The following FBRS variants were observed in gnomAD, a reference collection of about 807,000 sequenced individuals.
FBRS encodes fibrosin, also known as probable fibrosin-1.
A neutral mutation model predicts 86.1 loss-of-function variants in FBRS; 15 were observed. That is an observed-to-expected ratio of 0.17 (90% confidence interval 0.12 to 0.27). FBRS has a LOEUF of 0.27. Ranked by LOEUF, FBRS falls within the 10% of genes least tolerant of loss-of-function variation. The probability of loss-of-function intolerance (pLI) is 1.00; values close to 1 mark genes in which losing one functional copy is unlikely to be tolerated. For missense variants in FBRS, 1,367 were observed against 1,301.6 expected (o/e 1.05, Z -0.77); for synonymous variants, 666 against 575.8 (o/e 1.16, Z -2.24).
At chr16:30,668,464 G>T (rs1434815485) in intron 15 of FBRS, 96 bp from the exon 16 acceptor site, 2 of 1,064,902 alleles carry the variant, frequency 1.9e-6, no homozygotes, top group Non-Finnish European at 2.8e-6. Context: ...GGCAGCTGAG[G>T]ACTCCAGGCA....
intron 4 of FBRS, 163 bp from the exon 5 acceptor site, chr16:30,662,257 C>A: frequency 9.1e-7 from 1 of 1,097,754 alleles, no homozygotes; most frequent in Non-Finnish European, 1.3e-6. Context: ...TTTCTCCAAG[C>A]TCAGCCCCCT....
In FBRS at chr16:30,664,630, C is replaced by T. The variant is rs941177489; in HGVS notation, c.1358-85C>T. ...AGCAGGGCTTGAGGAGGGAGTGGCT[C>T]GAGGCCAGAGGGAAGGCAGTCACCT... is the stretch of plus-strand genomic sequence containing the variant. On this transcript the variant is annotated intron_variant, in intron 7 of 17. Transcript: ENST00000356166. 1.4e-5 allele frequency: 20 copies of T among 1,442,600 alleles called. No homozygotes were observed. The African/African-American group carries it at 2.2e-4, about 16-fold the overall frequency. 89.4% of individuals were successfully genotyped at this position (1,442,600 alleles called of 1,614,324 possible).
At chr16:30,666,585 G>GTGT in intron 12 of FBRS, 44 bp downstream of exon 12, 1 of 1,613,892 alleles carries the variant, frequency 6.2e-7, no homozygotes, top group Non-Finnish European at 8.5e-7. Context: ...CTGGGGGCTG[G>GTGT]TGTTAGCATG....
chr16:30,659,532 C>G lies in FBRS; in HGVS notation c.14C>G (p.Ala5Gly). 3.4e-6 allele frequency: 1 copy of G among 295,502 alleles called. No homozygotes were observed. The highest frequency in any genetic ancestry group is 6.2e-6 in the Non-Finnish European group (1 of 160,088). 18.3% of individuals were successfully genotyped at this position (295,502 alleles called of 1,614,324 possible). A position where few individuals can be genotyped will look rare whatever the true frequency, so the allele number is the denominator to read the frequency against. ...AGGGCGGTCGCCATGGAGACGGCAGCGGCCGCGGCCCCGGGTCCGGGCTGG... is the reference window on the plus strand; with the variant it reads ...AGGGCGGTCGCCATGGAGACGGCAGGGGCCGCGGCCCCGGGTCCGGGCTGG... Reference protein sequence around the residue: METAAAAAPGPGWAA... With the variant: METAGAAAPGPGWAA... Residue 5 changes from alanine to glycine, a missense_variant, in exon 1 of 18, where the codon GCG becomes GGG. Coordinates refer to ENST00000356166, the MANE Select transcript of FBRS (RefSeq NM_001105079.3).
intron 11 of FBRS, 110 bp from the exon 12 acceptor site, chr16:30,666,402 G>A: frequency 1.5e-6 from 2 of 1,356,574 alleles, no homozygotes; most frequent in South Asian, 1.2e-5. Context: ...GTTTGAGGGA[G>A]TCCCAGTGTC....
In FBRS at chr16:30,664,398, G is replaced by GGCGC; in HGVS notation, c.1239_1240insGCGC (p.Pro414AlafsTer37). ...ACAGCTTTCCCCCTCCCGGGCTGCG[G>GGCGC]CCCCCCCCACCACCCCACCACCCCT... On this transcript the variant is annotated frameshift_variant, in exon 7 of 18. Transcript: ENST00000356166. LOFTEE classifies it high-confidence loss of function. 2.9e-6 allele frequency: 4 copies of GGCGC among 1,376,492 alleles called. No homozygotes were observed. The highest frequency in any genetic ancestry group is 3.9e-6 in the Non-Finnish European group (4 of 1,026,064). The allele number at this position is 1,376,492 out of a possible 1,614,324, so 85.3% of individuals were successfully genotyped here. A position where few individuals can be genotyped will look rare whatever the true frequency, so the allele number is the denominator to read the frequency against.
At position 30,669,902 on chromosome 16, in the gene FBRS, G is replaced by C; in HGVS notation, c.*257G>C. 2 of 594,236 alleles carry C rather than the reference G, an allele frequency of 3.4e-6. No individual in the cohort carries two copies. The highest frequency in any genetic ancestry group is 5.9e-6 in the Non-Finnish European group (2 of 337,846). The allele number at this position is 594,236 out of a possible 1,614,324, so 36.8% of individuals were successfully genotyped here. On this transcript the variant is annotated 3_prime_UTR_variant, in exon 18 of 18. Transcript: ENST00000356166. This position sits in a 1 kb window ranked among gnomAD's most constrained non-coding sequence, Gnocchi z 5.9. ...TGTGCATGGGAGTGTGGCTCATCTC[G>C]GGGGCCATGGGGCCTCCTGAGGTAC... is the stretch of plus-strand genomic sequence containing the variant.
In FBRS at chr16:30,669,398, A is replaced by T; in HGVS notation, c.2696A>T (p.Glu899Val). The change falls in exon 18 of 18, where the codon GAG (glutamate) becomes GTG (valine). Residue 899 changes from glutamate to valine, a missense_variant. This residue lies in a region of FBRS where 659 missense variants were observed against 678.8 expected (regional missense o/e 0.97). Transcript: ENST00000356166. The surrounding 1 kb of genome is among the most constrained non-coding windows in gnomAD (Gnocchi z 5.9). ...CTGGCAAGGCCACCCCGCTTCTATG[A>T]GGCGGGTGAGGAGCTAACTGGACCC... ...PRLARPPRFY[E>V]AGEELTGPGA... 1.9e-6 allele frequency: 3 copies of T among 1,612,674 alleles called. No individual in the cohort carries two copies. The highest frequency in any genetic ancestry group is 2.5e-6 in the Non-Finnish European group (3 of 1,179,740).
Position 30,664,403 on chromosome 16 carries a change from C to T in FBRS, c.1244C>T (p.Pro415Leu). The T allele has an allele frequency of 7.4e-7, 1 of 1,360,062 alleles. No homozygotes were observed. The highest frequency in any genetic ancestry group is 9.9e-7 in the Non-Finnish European group (1 of 1,010,454). The allele number at this position is 1,360,062 out of a possible 1,614,324, so 84.2% of individuals were successfully genotyped here. A position where few individuals can be genotyped will look rare whatever the true frequency, so the allele number is the denominator to read the frequency against. Reference protein sequence around the residue: ...HSFPPPGLRPPPPPHHPSLFS... With the variant: ...HSFPPPGLRPLPPPHHPSLFS... ...TTTCCCCCTCCCGGGCTGCGGCCCC[C>T]CCCACCACCCCACCACCCCTCCTTG... is the stretch of plus-strand genomic sequence containing the variant. The change falls in exon 7 of 18, where the codon CCC (proline) becomes CTC (leucine). Residue 415 changes from proline (P) to leucine (L), a missense_variant. Physicochemically the swap from Pro to Leu is moderately conservative, Grantham distance 98. Transcript: ENST00000356166.
At chr16:30,660,689 T>C (rs2151265983) in intron 2 of FBRS, 1 of 573,216 alleles carries the variant, frequency 1.7e-6, no homozygotes, top group Non-Finnish European at 2.7e-6. Flanking sequence ...GTCAAAGGAA[T>C]ATAGTTGGGT....
chr16:30,668,993 C>T lies in FBRS; in HGVS notation c.2366+14C>T, dbSNP rs2052557579. The T allele has an allele frequency of 2.6e-6, 4 of 1,546,256 alleles. No homozygotes were observed. The highest frequency in any genetic ancestry group is 3.5e-6 in the Non-Finnish European group (4 of 1,145,028). On this transcript the variant is annotated intron_variant, in intron 17 of 17. Coordinates refer to ENST00000356166, the MANE Select transcript of FBRS (RefSeq NM_001105079.3). ...GGAGAAGGACAGGTGTGCCTCCCAC[C>T]CACCCTGCCCCTGCCCCACCCTCAG...
Position 30,668,840 on chromosome 16 carries a change from C to T in FBRS, c.2227C>T (p.Pro743Ser). 6.3e-7 allele frequency: 1 copy of T among 1,595,600 alleles called. No homozygotes were observed. Among genetic ancestry groups the T allele is most frequent in the East Asian group, 2.3e-5 (1 of 44,358 alleles). ...APPAFASPPD[P>S]WGRLHRSPLT... ...ACCAGCCTTCGCCTCCCCACCGGAC[C>T]CATGGGGCCGCCTGCACCGCAGTCC... The change falls in exon 17 of 18, where the codon CCA becomes TCA. Residue 743 changes from proline to serine, a missense_variant. Around this residue, in one of 3 missense-constraint regions of FBRS, gnomAD observed 659 missense variants for 678.8 expected, o/e 0.97. Transcript: ENST00000356166.
chr16:30,659,787 C>A lies in FBRS; in HGVS notation c.269C>A (p.Pro90His). ...RRRRPRPRPR[P>H]PRPRARKRPA... ...CGGCGGCCCCGTCCGAGACCTCGACCCCCGCGACCCCGAGCTCGGAAGCGG... is the reference window on the plus strand; with the variant it reads ...CGGCGGCCCCGTCCGAGACCTCGACACCCGCGACCCCGAGCTCGGAAGCGG... The change falls in exon 1 of 18, where the codon CCC becomes CAC. Residue 90 changes from proline to histidine, a missense_variant. Coordinates refer to ENST00000356166, the MANE Select transcript of FBRS (RefSeq NM_001105079.3). 6.7e-7 allele frequency: 1 copy of A among 1,491,676 alleles called. No individual in the cohort carries two copies. The highest frequency in any genetic ancestry group is 1.3e-5 in the South Asian group (1 of 79,698). The allele number at this position is 1,491,676 out of a possible 1,614,324, so 92.4% of individuals were successfully genotyped here. A position where few individuals can be genotyped will look rare whatever the true frequency, so the allele number is the denominator to read the frequency against.
chr16:30,662,173 T>C, intron 4 of FBRS: 1 of 551,944 alleles, frequency 1.8e-6, no homozygotes, highest in Non-Finnish European at 3.1e-6. Flanking sequence ...CCTGCTTCTC[T>C]GCTGCTTCAA....
rs563822289 is a variant in FBRS at position 30,669,957 on chromosome 16, C to T, written c.*312C>T. 71 of 534,194 alleles carry T rather than the reference C, an allele frequency of 1.3e-4. No homozygotes were observed. The East Asian group carries it at 2.2e-3, about 17-fold the overall frequency. The allele number at this position is 534,194 out of a possible 1,614,324, so 33.1% of individuals were successfully genotyped here. On this transcript the variant is annotated 3_prime_UTR_variant, in exon 18 of 18. Coordinates refer to ENST00000356166, the MANE Select transcript of FBRS (RefSeq NM_001105079.3). This position sits in a 1 kb window ranked among gnomAD's most constrained non-coding sequence, Gnocchi z 5.9. ...TTGCCCCTGTAAGGGCCTCTAGGCC[C>T]TGGGCCTGCCTCCCCAAGGGCTCAC... is the stretch of plus-strand genomic sequence containing the variant.
Position 30,665,763 on chromosome 16 carries a change from G to C in FBRS, c.1773+57G>C. On this transcript the variant is annotated intron_variant, in intron 11 of 17. Transcript: ENST00000356166. This position sits in a 1 kb window ranked among gnomAD's most constrained non-coding sequence, Gnocchi z 4.1. ...TGGAAGGTGTGTTGCGGGGAGAACAGAACTGACTTGAGGAGAGTGAACTGC... is the reference window on the plus strand; with the variant it reads ...TGGAAGGTGTGTTGCGGGGAGAACACAACTGACTTGAGGAGAGTGAACTGC... 1.3e-6 allele frequency: 2 copies of C among 1,509,460 alleles called. No individual in the cohort carries two copies. Among genetic ancestry groups the C allele is most frequent in the South Asian group, 2.4e-5 (2 of 83,108 alleles). 93.5% of individuals were successfully genotyped at this position (1,509,460 alleles called of 1,614,324 possible).
chr16:30,667,373 G>A lies in FBRS; in HGVS notation c.1929G>A (p.Gly643=), dbSNP rs374614845. 2.0e-4 allele frequency: 316 copies of A among 1,553,146 alleles called. 2 individuals are homozygous for A. Among genetic ancestry groups the A allele is most frequent in the Middle Eastern group, 8.3e-4 (5 of 5,994 alleles). ...ATGACCTCCTGCCCTGCCTTCCGGG[G>A]CCCTATGGGGCCCTGCCCCCTGGGC... ...FRNDLLPCLP[G]PYGALPPGQE... is the part of the protein sequence containing the mutation. Residue 643 remains glycine (G), a synonymous_variant, in exon 14 of 18, where the codon GGG becomes GGA. Coordinates refer to ENST00000356166, the MANE Select transcript of FBRS (RefSeq NM_001105079.3).
In FBRS at chr16:30,670,572, A is replaced by T. The variant is rs922529394; in HGVS notation, c.*927A>T. ...CTAAGGGTGGCCAGAGAAGGTCACC[A>T]TGTACCACACACCAAAGAAGGGGGT... On this transcript the variant is annotated 3_prime_UTR_variant, in exon 18 of 18. Transcript: ENST00000356166. 1 of 216,820 alleles carries T rather than the reference A, an allele frequency of 4.6e-6. No homozygotes were observed. Among genetic ancestry groups the T allele is most frequent in the South Asian group, 5.9e-5 (1 of 16,904 alleles). The allele number at this position is 216,820 out of a possible 1,614,324, so 13.4% of individuals were successfully genotyped here. A position where few individuals can be genotyped will look rare whatever the true frequency, so the allele number is the denominator to read the frequency against.
In FBRS at chr16:30,668,710, G is replaced by A. The variant is rs2052552252; in HGVS notation, c.2159-62G>A. 8.2e-6 allele frequency: 13 copies of A among 1,585,314 alleles called. No homozygotes were observed. The South Asian group carries it at 1.3e-4, about 16-fold the overall frequency. On this transcript the variant is annotated intron_variant, in intron 16 of 17. Coordinates refer to ENST00000356166, the MANE Select transcript of FBRS (RefSeq NM_001105079.3). ...GGTGAGAGCTCAGACGGTCTGGGAGGAGGCCTGAACAGGGCCTCCCACTTC... is the reference window on the plus strand; with the variant it reads ...GGTGAGAGCTCAGACGGTCTGGGAGAAGGCCTGAACAGGGCCTCCCACTTC...
Sources: gnomAD v4.1 joint callset for allele counts on GRCh38, gnomAD v4.1.1 for gene constraint, gnomAD v4.1.1 regional missense constraint, Gnocchi (gnomAD v3.1) non-coding constraint, MANE v1.5 for transcripts, NCBI Gene and HGNC (gene_info 2026-07-23, HGNC 2026-07-21) for gene names.